GCKR: variants seen among roughly 807,000 people sequenced by gnomAD.
The protein encoded by GCKR is glucokinase regulator.
GCKR carries 73 observed loss-of-function variants against 82.9 expected under a neutral mutation model. The observed-to-expected ratio is 0.88, with a 90% CI of 0.73 to 1.07. The LOEUF (loss-of-function observed/expected upper bound fraction) is 1.07, where lower values mean the gene tolerates loss of function less well. GCKR is among the 50% of genes least tolerant of loss of function. The pLI is 0.00. For synonymous variants in GCKR, 294 were observed against 291.8 expected, an observed-to-expected ratio of 1.01 and a Z score of -0.08; for missense variants, 784 against 782.1, an observed-to-expected ratio of 1.00 and a Z score of -0.03.
Position 27,503,560 on chromosome 2 carries a change from G to C in GCKR, c.691G>C (p.Glu231Gln), listed in dbSNP as rs1026021747. Residue 231 changes from glutamate to glutamine, a missense_variant, in exon 9 of 19, where the codon GAG becomes CAG. Transcript: ENST00000264717. ...DWSSTFRQVA[E>Q]RMQKMQEKQK... ...GAGTTCAACATTCCGACAAGTAGCAGAGCGGATGCAGAAAATGCAGGAGAA... is the reference window on the plus strand; with the variant it reads ...GAGTTCAACATTCCGACAAGTAGCACAGCGGATGCAGAAAATGCAGGAGAA... 5.6e-6 allele frequency: 9 copies of C among 1,611,552 alleles called. No homozygotes were observed. The highest frequency in any genetic ancestry group is 7.6e-6 in the Non-Finnish European group (9 of 1,177,652).
chr2:27,510,152 G>T (rs1374362076), intron 16 of GCKR, among the ~76,000 whole-genome samples: 4 of 152,020 alleles, frequency 2.6e-5, no homozygotes, highest in Non-Finnish European at 5.9e-5. Context: ...GGGACTACAG[G>T]TGCCCGCCAC....
At chr2:27,498,866 A>G in intron 5 of GCKR, 69 bp downstream of exon 5, 1 of 918,714 alleles carries the variant, frequency 1.1e-6, no homozygotes, top group Non-Finnish European at 1.8e-6. Context: ...GAGTTGGAAT[A>G]CCTTTAGACA....
chr2:27,502,198 T>C (rs928033949), intron 8 of GCKR, among the ~76,000 whole-genome samples: 1 of 152,190 alleles, frequency 6.6e-6, no homozygotes, highest in African/African-American at 2.4e-5. Context: ...GGTAGTATAA[T>C]TTATGCGAAG....
chr2:27,508,539 G>A (rs1464086935), intron 16 of GCKR, among the ~76,000 whole-genome samples: 1 of 152,130 alleles, frequency 6.6e-6, no homozygotes, highest in African/African-American at 2.4e-5. Context: ...TTTTTACTTT[G>A]AGACAGAGTC....
intron 7 of GCKR, 30 bp downstream of exon 7, chr2:27,499,480 ATT>A: frequency 7.0e-7 from 1 of 1,431,096 alleles, no homozygotes; most frequent in Non-Finnish European, 9.9e-7. Context: ...GAGTGGATCA[ATT>A]TTAGAGAGAG....
At chr2:27,514,524 T>C (rs1470328731) in intron 16 of GCKR, among the ~76,000 whole-genome samples, 1 of 152,228 alleles carries the variant, frequency 6.6e-6, no homozygotes, top group Non-Finnish European at 1.5e-5. Context: ...CTATACTCTT[T>C]TGTGCTTTAA....
rs63126660 is a variant in GCKR at position 27,517,031 on chromosome 2, T to A, written c.1423-1757T>A. ...TTAGTACCTTTTTTTTTTTTTTTTT[T>A]AATATGGAGTCTCATTCTGTCGCCA... On this transcript the variant is annotated intron_variant, in intron 16 of 18. Transcript: ENST00000264717. Among the ~76,000 whole-genome samples, 114 of 123,664 alleles carry A rather than the reference T, an allele frequency of 9.2e-4. 1 individual carries two copies. Among genetic ancestry groups the A allele is most frequent in the African/African-American group, 3.5e-3 (108 of 31,184 alleles). The allele number at this position is 123,664 out of a possible 152,430, so 81.1% of individuals were successfully genotyped here. A position where few individuals can be genotyped will look rare whatever the true frequency, so the allele number is the denominator to read the frequency against.
chr2:27,516,521 C>T (rs1670014758), intron 16 of GCKR, among the ~76,000 whole-genome samples: 1 of 152,060 alleles, frequency 6.6e-6, no homozygotes, highest in African/African-American at 2.4e-5. Context: ...TCTCAAACTC[C>T]TGACTTCAAG....
chr2:27,499,823 T>A (rs887735208), intron 7 of GCKR, among the ~76,000 whole-genome samples: 3 of 152,304 alleles, frequency 2.0e-5, no homozygotes, highest in Middle Eastern at 3.4e-3. Context: ...AATGGCATGA[T>A]TTCGGCTCAC....
Position 27,502,141 on chromosome 2 carries a change from A to C in GCKR, c.644+912A>C, listed in dbSNP as rs1264888966. 2.0e-5 allele frequency among the ~76,000 whole-genome samples: 3 copies of C among 152,186 alleles called. No homozygotes were observed. The East Asian group carries it at 5.8e-4, about 29-fold the overall frequency. On this transcript the variant is annotated intron_variant, in intron 8 of 18. Transcript: ENST00000264717. ...TTTAGCGGTGGTCTTGGGAAGGGGG[A>C]CAAGTGGGTTTTTCCAAGGTGCTTT... is the stretch of plus-strand genomic sequence containing the variant.
At chr2:27,497,698 A>G (rs1026460826) in intron 3 of GCKR, 68 bp downstream of exon 3, 2 of 953,820 alleles carry the variant, frequency 2.1e-6, no homozygotes, top group South Asian at 1.3e-5. Context: ...TACTGTCTCT[A>G]TTTCTCACTT....
intron 16 of GCKR, among the ~76,000 whole-genome samples, chr2:27,513,527 C>CA (rs35348937): frequency 0.6 from 79,642 of 133,232 alleles, 22,847 homozygotes; most frequent in South Asian, 0.71. Flanking sequence ...GACTCCGTCA[C>CA]AAAAAAAAAA....
intron 17 of GCKR, among the ~76,000 whole-genome samples, chr2:27,520,287 A>G (rs780092): frequency 0.18 from 27,419 of 151,966 alleles, 2,717 homozygotes; most frequent in East Asian, 0.34. Flanking sequence ...CATTATAGCA[A>G]AAAGAAGGCC....
In GCKR at chr2:27,517,772, C is replaced by T. The variant is rs1477981385; in HGVS notation, c.1423-1016C>T. ...AAAACAAGGGGCAGTTTTATACTCGCGATACCACATGTTTGAACAATTTTT... is the reference window on the plus strand; with the variant it reads ...AAAACAAGGGGCAGTTTTATACTCGTGATACCACATGTTTGAACAATTTTT... On this transcript the variant is annotated intron_variant, in intron 16 of 18. Coordinates refer to ENST00000264717, the MANE Select transcript of GCKR (RefSeq NM_001486.4). 1.1e-4 allele frequency among the ~76,000 whole-genome samples: 16 copies of T among 152,266 alleles called. No homozygotes were observed. The South Asian group carries it at 1.9e-3, about 18-fold the overall frequency.
chr2:27,505,925 G>T, intron 10 of GCKR, 89 bp downstream of exon 10: 1 of 809,470 alleles, frequency 1.2e-6, no homozygotes. Flanking sequence ...TCCAAGGACT[G>T]GGCTGGTGGC....
At chr2:27,510,825 A>AT (rs1343685248) in intron 16 of GCKR, among the ~76,000 whole-genome samples, 9 of 148,256 alleles carry the variant, frequency 6.1e-5, no homozygotes, top group East Asian at 3.9e-4. Flanking sequence ...TTTGGGGGGT[A>AT]TTTTTTTTTC....
At chr2:27,507,905 C>A in intron 14 of GCKR, 72 bp from the exon 15 acceptor site, 1 of 1,229,180 alleles carries the variant, frequency 8.1e-7, no homozygotes, top group Non-Finnish European at 1.2e-6. Flanking sequence ...CCTGACTGGA[C>A]CCCAGCCAGG....
intron 9 of GCKR, among the ~76,000 whole-genome samples, chr2:27,504,358 CTT>C (rs72281151): frequency 9.9e-5 from 14 of 141,532 alleles, no homozygotes; most frequent in African/African-American, 1.3e-4. Context: ...TCAGTCACTA[CTT>C]TTTTTTTTTT....
chr2:27,518,770 T>C lies in GCKR; in HGVS notation c.1423-18T>C, dbSNP rs201220314. The C allele has an allele frequency of 7.3e-5, 118 of 1,608,546 alleles. No homozygotes were observed. The highest frequency in any genetic ancestry group is 9.7e-5 in the Non-Finnish European group (114 of 1,174,954). On this transcript the variant is annotated intron_variant, in intron 16 of 18. Transcript: ENST00000264717. ...TGTCCTCTAATTTTTGACACCCCCA[T>C]GTGTCTGCCCTTTTCAGAAGTTCCA...
Sources: allele counts gnomAD v4.1 joint callset (sites outside exome capture counted in the v4.1 genomes callset), GRCh38; gene constraint gnomAD v4.1.1; transcripts MANE v1.5; gene names NCBI Gene and HGNC (gene_info 2026-07-23, HGNC 2026-07-21).